Variants in TNXB observed in about 807,000 individuals in gnomAD.
TNXB encodes tenascin-X.
In TNXB, 183 loss-of-function variants were observed where a neutral mutation model predicts 340.5. The observed-to-expected ratio is 0.54, with a 90% CI of 0.48 to 0.61. The LOEUF (loss-of-function observed/expected upper bound fraction) is 0.61. TNXB is among the 20% of genes least tolerant of loss of function. The probability of loss-of-function intolerance (pLI) is 0.00; values close to 1 mark genes in which losing one functional copy is unlikely to be tolerated. For missense variants in TNXB, 4,613 were observed against 5,446.4 expected (o/e 0.85, Z 4.82); for synonymous variants, 2,121 against 2,314.5 (o/e 0.92, Z 2.40).
rs1776962485 is a variant in TNXB, at chr6:32,047,415, T to A, written c.10324+319A>T. Among the ~76,000 whole-genome samples the A allele has an allele frequency of 2.6e-5, 4 of 152,190 alleles. No homozygotes were observed. In the South Asian group the frequency reaches 8.3e-4, roughly 32 times the overall value. On this transcript the variant is annotated intron_variant, in intron 30 of 43. Coordinates refer to ENST00000644971, the MANE Select transcript of TNXB (RefSeq NM_001365276.2). The surrounding 1 kb of genome is among the most constrained non-coding windows in gnomAD (Gnocchi z 6.2). ...GAGTCCAGCGCCATTCCCAGCATTATGCAGGTGAGGACACTGAGGTCCCGG... is the reference window on the plus strand; with the variant it reads ...GAGTCCAGCGCCATTCCCAGCATTAAGCAGGTGAGGACACTGAGGTCCCGG...
At position 32,089,442 on chromosome 6, in the gene TNXB, C is replaced by T; in HGVS notation, c.2359-63G>A. On this transcript the variant is annotated intron_variant, in intron 4 of 43. Coordinates refer to ENST00000644971, the MANE Select transcript of TNXB (RefSeq NM_001365276.2). This position sits in a 1 kb window ranked among gnomAD's most constrained non-coding sequence, Gnocchi z 6.2. The stretch of plus-strand genomic sequence containing the variant: ...CTCTTGCCTCTGCTGCTCAATCCCC[C>T]TTATCTCTTCTTTCTCCAATTCTAA... The T allele has an allele frequency of 6.5e-7, 1 of 1,531,480 alleles. No individual in the cohort carries two copies. Among genetic ancestry groups the T allele is most frequent in the Non-Finnish European group, 8.8e-7 (1 of 1,137,608 alleles). 94.9% of individuals were successfully genotyped at this position (1,531,480 alleles called of 1,614,324 possible). A position where few individuals can be genotyped will look rare whatever the true frequency, so the allele number is the denominator to read the frequency against.
chr6:32,079,067 C>T lies in TNXB; in HGVS notation c.4341G>A (p.Gln1447=). The change falls in exon 11 of 44, where the codon CAG becomes CAA. Residue 1447 remains glutamine, a synonymous_variant. Transcript: ENST00000644971. This position sits in a 1 kb window ranked among gnomAD's most constrained non-coding sequence, Gnocchi z 7.1. ...CCACGGCGGACACCGGGCCCACGCGCTGCCCCTCGTGGAGGCCGTACAGGT... is the reference window on the plus strand; with the variant it reads ...CCACGGCGGACACCGGGCCCACGCGTTGCCCCTCGTGGAGGCCGTACAGGT... ...KMHLYGLHEG[Q]RVGPVSAVGV... is the part of the protein sequence containing the mutation. 3 of 1,613,372 alleles carry T rather than the reference C, an allele frequency of 1.9e-6. No individual in the cohort carries two copies. The highest frequency in any genetic ancestry group is 2.2e-5 in the East Asian group (1 of 44,882).
At chr6:32,100,517 C>T (rs918692781) in intron 1 of TNXB, among the ~76,000 whole-genome samples, 4 of 152,048 alleles carry the variant, frequency 2.6e-5, no homozygotes, top group Non-Finnish European at 5.9e-5. Flanking sequence ...TGCATGAGCC[C>T]AGGAGTTGGA....
Position 32,062,073 on chromosome 6 carries a change from TC to T in TNXB, c.7168+83del. 2 of 1,491,198 alleles carry T rather than the reference TC, an allele frequency of 1.3e-6. No individual in the cohort carries two copies. The highest frequency in any genetic ancestry group is 1.8e-6 in the Non-Finnish European group (2 of 1,104,060). The allele number at this position is 1,491,198 out of a possible 1,614,324, so 92.4% of individuals were successfully genotyped here. A position where few individuals can be genotyped will look rare whatever the true frequency, so the allele number is the denominator to read the frequency against. On this transcript the variant is annotated intron_variant, in intron 20 of 43. Transcript: ENST00000644971. The surrounding 1 kb of genome is among the most constrained non-coding windows in gnomAD (Gnocchi z 4.3). The stretch of plus-strand genomic sequence containing the variant: ...AGGTCTGTGGTGCTGACCAGACCCG[TC>T]CCATTCCCCACCAGTCATCACCAAA...
At position 32,053,396 on chromosome 6, in the gene TNXB, C is replaced by T. The variant is rs143089251; in HGVS notation, c.8783G>A (p.Gly2928Glu). 5.0e-6 allele frequency: 8 copies of T among 1,612,530 alleles called. No homozygotes were observed. In the African/African-American group the frequency reaches 1.1e-4, roughly 21 times the overall value. The change falls in exon 25 of 44, where the codon GGG (glycine) becomes GAG (glutamate). Residue 2928 changes from glycine (G) to glutamate (E), a missense_variant. Transcript: ENST00000644971. ...TCCCATCGTACACTCACCTGTCACC[C>T]CAATGACAGAGATGGGGCCCACGCG... ...GQRVGPISVIGVTAAEEETPA... is the reference protein window; with the variant it reads ...GQRVGPISVIEVTAAEEETPA...
chr6:32,093,193 T>C (rs1478247158), intron 4 of TNXB: 3 of 573,186 alleles, frequency 5.2e-6, no homozygotes, highest in East Asian at 2.8e-5. Context: ...ATGTAAATAA[T>C]ATATACAGAG....
At chr6:32,071,475 C>T (rs1043037841) in intron 13 of TNXB, among the ~76,000 whole-genome samples, 2 of 151,984 alleles carry the variant, frequency 1.3e-5, no homozygotes, top group Non-Finnish European at 2.9e-5. Flanking sequence ...CCTCATCCAA[C>T]AAAAGTGGAA....
rs759035304 is a variant in TNXB at position 32,082,175 on chromosome 6, C to G, written c.3597G>C (p.Arg1199=). ...GCCCTTCCACAGGTACCACCTGGGG[C>G]CGTCCATCCCTGTCCCTGTACTGGA... ...FMVQYRDRDG[R]PQVVPVEGPE... Residue 1199 remains arginine (R), a synonymous_variant, in exon 9 of 44, where the codon CGG becomes CGC. Transcript: ENST00000644971. The surrounding 1 kb of genome is among the most constrained non-coding windows in gnomAD (Gnocchi z 5.0). 6.2e-7 allele frequency: 1 copy of G among 1,612,684 alleles called. No individual in the cohort carries two copies. The highest frequency in any genetic ancestry group is 1.3e-5 in the African/African-American group (1 of 75,046).
intron 29 of TNXB, 51 bp from the exon 30 acceptor site, chr6:32,048,063 A>T: frequency 1.3e-6 from 2 of 1,571,328 alleles, no homozygotes; most frequent in Non-Finnish European, 8.7e-7. Context: ...CAAAGGGGCC[A>T]CGGAGCTTCC....
Position 32,067,112 on chromosome 6 carries a change from A to C in TNXB, c.6544+549T>G, listed in dbSNP as rs1778390622. Among the ~76,000 whole-genome samples, 1 of 134,010 alleles carries C rather than the reference A, an allele frequency of 7.5e-6. No homozygotes were observed. Among genetic ancestry groups the C allele is most frequent in the Non-Finnish European group, 1.6e-5 (1 of 62,788 alleles). The allele number at this position is 134,010 out of a possible 152,430, so 87.9% of individuals were successfully genotyped here. A position where few individuals can be genotyped will look rare whatever the true frequency, so the allele number is the denominator to read the frequency against. ...AGAAAAGAATGAAAGAAAGAAAGAAAGAGAAAGAAAGAAAGGAAGGAAGAA... is the reference window on the plus strand; with the variant it reads ...AGAAAAGAATGAAAGAAAGAAAGAACGAGAAAGAAAGAAAGGAAGGAAGAA... On this transcript the variant is annotated intron_variant, in intron 18 of 43. Transcript: ENST00000644971. This position sits in a 1 kb window ranked among gnomAD's most constrained non-coding sequence, Gnocchi z 4.2.
Position 32,049,864 on chromosome 6 carries a change from G to A in TNXB, c.9439+134C>T, listed in dbSNP as rs1285565055. On this transcript the variant is annotated intron_variant, in intron 27 of 43. Transcript: ENST00000644971. The surrounding 1 kb of genome is among the most constrained non-coding windows in gnomAD (Gnocchi z 4.5). ...GTCAACCACATAGGAAGGCCCAAGG[G>A]GAGTCCCAGCCCCAGCCACAAGCAG... is the stretch of plus-strand genomic sequence containing the variant. 2 of 1,411,064 alleles carry A rather than the reference G, an allele frequency of 1.4e-6. No individual in the cohort carries two copies. Among genetic ancestry groups the A allele is most frequent in the African/African-American group, 1.4e-5 (1 of 70,594 alleles). The allele number at this position is 1,411,064 out of a possible 1,614,324, so 87.4% of individuals were successfully genotyped here. A position where few individuals can be genotyped will look rare whatever the true frequency, so the allele number is the denominator to read the frequency against.
In TNXB at chr6:32,051,792, C is replaced by T. The variant is rs1777296500; in HGVS notation, c.9115+878G>A. ...TGACTGATGCTACGACATAGATGAACCTTAAAGACATTGTATTTAATGAAA... is the reference window on the plus strand; with the variant it reads ...TGACTGATGCTACGACATAGATGAATCTTAAAGACATTGTATTTAATGAAA... On this transcript the variant is annotated intron_variant, in intron 26 of 43. Coordinates refer to ENST00000644971, the MANE Select transcript of TNXB (RefSeq NM_001365276.2). This position sits in a 1 kb window ranked among gnomAD's most constrained non-coding sequence, Gnocchi z 4.7. Among the ~76,000 whole-genome samples the T allele has an allele frequency of 6.6e-6, 1 of 151,618 alleles. No individual in the cohort carries two copies. Among genetic ancestry groups the T allele is most frequent in the Non-Finnish European group, 1.5e-5 (1 of 67,910 alleles).
At position 32,090,667 on chromosome 6, in the gene TNXB, G is replaced by A. The variant is rs180712848; in HGVS notation, c.2359-1288C>T. On this transcript the variant is annotated intron_variant, in intron 4 of 43. Coordinates refer to ENST00000644971, the MANE Select transcript of TNXB (RefSeq NM_001365276.2). This position sits in a 1 kb window ranked among gnomAD's most constrained non-coding sequence, Gnocchi z 4.3. ...GGCCACGTAGAGATTTCTGGGTTGAGGATGAAGTAAAGCTTTGTCAGTTTT... is the reference window on the plus strand; with the variant it reads ...GGCCACGTAGAGATTTCTGGGTTGAAGATGAAGTAAAGCTTTGTCAGTTTT... Among the ~76,000 whole-genome samples, 4 of 152,304 alleles carry A rather than the reference G, an allele frequency of 2.6e-5. No homozygotes were observed. Among genetic ancestry groups the A allele is most frequent in the Admixed American group, 2.0e-4 (3 of 15,304 alleles).
rs202198164 is a variant in TNXB at position 32,089,183 on chromosome 6, C to A, written c.2515+40G>T. 57 of 1,572,598 alleles carry A rather than the reference C, an allele frequency of 3.6e-5. No homozygotes were observed. The highest frequency in any genetic ancestry group is 1.4e-4 in the Admixed American group (8 of 57,278). Reference sequence around the variant, plus strand: ...GGCAGATTCCCTCTCTAGTCCAGATCTCCACTCAGGACACCCCTCCCCACA... The same window carrying A: ...GGCAGATTCCCTCTCTAGTCCAGATATCCACTCAGGACACCCCTCCCCACA... On this transcript the variant is annotated intron_variant, in intron 5 of 43. Coordinates refer to ENST00000644971, the MANE Select transcript of TNXB (RefSeq NM_001365276.2). The surrounding 1 kb of genome is among the most constrained non-coding windows in gnomAD (Gnocchi z 6.2).
chr6:32,085,154 G>C lies in TNXB; in HGVS notation c.3149-445C>G, dbSNP rs1263331509. Among the ~76,000 whole-genome samples the C allele has an allele frequency of 3.9e-5, 6 of 152,266 alleles. No individual in the cohort carries two copies. The highest frequency in any genetic ancestry group is 6.5e-5 in the Admixed American group (1 of 15,298). On this transcript the variant is annotated intron_variant, in intron 7 of 43. Transcript: ENST00000644971. The surrounding 1 kb of genome is among the most constrained non-coding windows in gnomAD (Gnocchi z 6.4). ...CCACAGAGAGGAACAAAGAGGGGAT[G>C]TGAAAGCCAGGTACCCCAGGACCTG...
Position 32,072,110 on chromosome 6 carries a change from C to G in TNXB, c.4870G>C (p.Ala1624Pro). Residue 1624 changes from alanine (A) to proline (P), a missense_variant, in exon 13 of 44, where the codon GCT becomes CCT. Ala to Pro is a conservative substitution (Grantham distance 27). Transcript: ENST00000644971. The surrounding 1 kb of genome is among the most constrained non-coding windows in gnomAD (Gnocchi z 4.4). ...RDGQPQVVPVAADQREVTIPD... is the reference protein window; with the variant it reads ...RDGQPQVVPVPADQREVTIPD... ...ATAGTGACCTCCCGCTGATCTGCAG[C>G]CACGGGCACCACCTGGGGCTGCCCG... The G allele has an allele frequency of 6.2e-7, 1 of 1,613,034 alleles. No individual in the cohort carries two copies. Among genetic ancestry groups the G allele is most frequent in the African/African-American group, 1.3e-5 (1 of 75,038 alleles).
In TNXB at chr6:32,103,383, T is replaced by C. The variant is rs1011080493; in HGVS notation, c.-8-5177A>G. On this transcript the variant is annotated intron_variant, in intron 1 of 43. Coordinates refer to ENST00000644971, the MANE Select transcript of TNXB (RefSeq NM_001365276.2). ...AGGCAAAGGTTGCAGTGAGTTGAGA[T>C]TGTGCCACTGCACTCCAGCCTGGGC... 4.7e-4 allele frequency among the ~76,000 whole-genome samples: 71 copies of C among 151,486 alleles called. 1 individual carries two copies. The highest frequency in any genetic ancestry group is 3.4e-3 in the Middle Eastern group (1 of 294).
chr6:32,045,999 G>C (rs1776840448), intron 31 of TNXB, 176 bp downstream of exon 31: 1 of 1,364,440 alleles, frequency 7.3e-7, no homozygotes, highest in South Asian at 2.0e-5. Flanking sequence ...CTCCTGCTCT[G>C]GACTCCTTGA....
chr6:32,085,788 C>A lies in TNXB; in HGVS notation c.3110G>T (p.Gly1037Val), dbSNP rs1194530411. 2 of 1,576,862 alleles carry A rather than the reference C, an allele frequency of 1.3e-6. No homozygotes were observed. The change falls in exon 7 of 44, where the codon GGC (glycine) becomes GTC (valine). Residue 1037 changes from glycine to valine, a missense_variant. Coordinates refer to ENST00000644971, the MANE Select transcript of TNXB (RefSeq NM_001365276.2). The surrounding 1 kb of genome is among the most constrained non-coding windows in gnomAD (Gnocchi z 6.4). ...GTAGATGATGGGGTCAGAGGGCTTG[C>A]CCCCAGGAGGGACCCCATGAAGTGA... ...ELSLHGVPPG[G>V]KPSDPIIYQG... is the part of the protein sequence containing the mutation.
Sources: gnomAD v4.1 joint callset for allele counts (sites outside exome capture counted in the v4.1 genomes callset) on GRCh38, gnomAD v4.1.1 for gene constraint, Gnocchi (gnomAD v3.1) non-coding constraint, MANE v1.5 for transcripts, NCBI Gene and HGNC (gene_info 2026-07-23, HGNC 2026-07-21) for gene names.